PIK3CB: variants seen among roughly 807,000 people sequenced by gnomAD.
The protein encoded by PIK3CB is phosphatidylinositol-4,5-bisphosphate 3-kinase catalytic subunit beta.
In PIK3CB, 39 loss-of-function variants were observed where a neutral mutation model predicts 136.8. The ratio of observed to expected loss-of-function variants is 0.29; its 90% CI spans 0.22 to 0.37. The LOEUF is 0.37. Ranked by LOEUF, PIK3CB falls within the 10% of genes least tolerant of loss-of-function variation. PIK3CB has a pLI of 1.00. For synonymous variants in PIK3CB, 428 were observed against 436.6 expected (o/e 0.98, Z 0.25); for missense variants, 868 against 1,275.4 (o/e 0.68, Z 4.87).
rs549800526 is a variant in PIK3CB at position 138,657,895 on chromosome 3, C to G, written c.2797-60G>C. Reference sequence around the variant, plus strand: ...TTCTGGTGGGTTCCAAATATAAAGGCAAAACCTCCATAGTCCTAGACCCCC... The same window carrying G: ...TTCTGGTGGGTTCCAAATATAAAGGGAAAACCTCCATAGTCCTAGACCCCC... On this transcript the variant is annotated intron_variant, in intron 21 of 23. Coordinates refer to ENST00000674063, the MANE Select transcript of PIK3CB (RefSeq NM_006219.3). 7 of 1,520,414 alleles carry G rather than the reference C, an allele frequency of 4.6e-6. No homozygotes were observed. The East Asian group carries it at 1.1e-4, about 24-fold the overall frequency. The allele number at this position is 1,520,414 out of a possible 1,614,324, so 94.2% of individuals were successfully genotyped here. A position where few individuals can be genotyped will look rare whatever the true frequency, so the allele number is the denominator to read the frequency against.
At chr3:138,717,496 A>T (rs1178691808) in intron 8 of PIK3CB, among the ~76,000 whole-genome samples, 1 of 151,790 alleles carries the variant, frequency 6.6e-6, no homozygotes, top group Non-Finnish European at 1.5e-5. Context: ...AAAACTCATT[A>T]AATGAAACCA....
At chr3:138,689,114 T>C (rs2043955437) in intron 15 of PIK3CB, 140 bp from the exon 16 acceptor site, 1 of 603,416 alleles carries the variant, frequency 1.7e-6, no homozygotes, top group South Asian at 2.2e-5. Context: ...CTTCCTCCCT[T>C]CCTTCCTTTT....
At chr3:138,831,964 T>G (rs1250137030) in intron 1 of PIK3CB, among the ~76,000 whole-genome samples, 1 of 151,962 alleles carries the variant, frequency 6.6e-6, no homozygotes. Flanking sequence ...CTGGGTAACA[T>G]CCCCATAGCC....
chr3:138,791,816 G>A (rs2046054173), intron 2 of PIK3CB, among the ~76,000 whole-genome samples: 1 of 152,146 alleles, frequency 6.6e-6, no homozygotes, highest in African/African-American at 2.4e-5. Flanking sequence ...TAATCAGAGA[G>A]GTCTTCCCTA....
At chr3:138,755,447 GC>G (rs2045547678) in intron 4 of PIK3CB, among the ~76,000 whole-genome samples, 1 of 152,122 alleles carries the variant, frequency 6.6e-6, no homozygotes, top group Admixed American at 6.6e-5. Flanking sequence ...TTTGAGACCA[GC>G]CTGGACAACA....
At chr3:138,800,906 G>A (rs778358153) in intron 1 of PIK3CB, among the ~76,000 whole-genome samples, 8 of 152,270 alleles carry the variant, frequency 5.3e-5, no homozygotes, top group East Asian at 1.9e-4. Context: ...GATTATAGGC[G>A]TGAGCCACCG....
intron 7 of PIK3CB, among the ~76,000 whole-genome samples, chr3:138,734,119 A>G (rs1273693933): frequency 6.6e-6 from 1 of 152,198 alleles, no homozygotes; most frequent in Non-Finnish European, 1.5e-5. Context: ...AAAAAGTATT[A>G]ACTGTTCAAA....
intron 6 of PIK3CB, among the ~76,000 whole-genome samples, chr3:138,735,634 T>A: frequency 6.6e-6 from 1 of 152,142 alleles, no homozygotes; most frequent in East Asian, 1.9e-4. Context: ...CCCAGTTTGA[T>A]GTTCTATTTT....
At chr3:138,685,396 C>CAAAAAAAAAAAAAAAAAAAAAAAAAAAA (rs398052626) in intron 16 of PIK3CB, among the ~76,000 whole-genome samples, 1 of 58,354 alleles carries the variant, frequency 1.7e-5, no homozygotes, top group African/African-American at 9.9e-5. Flanking sequence ...GAAACTGTCT[C>CAAAAAAAAAAAAAAAAAAAAAAAAAAAA]AAAAAAAAAA....
At chr3:138,742,283 T>C (rs2045261403) in intron 5 of PIK3CB, among the ~76,000 whole-genome samples, 1 of 152,206 alleles carries the variant, frequency 6.6e-6, no homozygotes, top group African/African-American at 2.4e-5. Context: ...TTTTCTCTTT[T>C]TAACATCCCT....
chr3:138,826,244 T>C (rs747995882), intron 1 of PIK3CB: 55 of 1,546,030 alleles, frequency 3.6e-5, no homozygotes, highest in Non-Finnish European at 4.4e-5. Flanking sequence ...AGAGTTGCCG[T>C]GGGTGTCATC....
At chr3:138,788,530 G>A (rs1458102211) in intron 2 of PIK3CB, among the ~76,000 whole-genome samples, 3 of 150,550 alleles carry the variant, frequency 2.0e-5, no homozygotes, top group South Asian at 2.1e-4. Flanking sequence ...GGTGGCATGC[G>A]CCTGTAATCC....
At chr3:138,728,957 T>C (rs2044906105) in intron 8 of PIK3CB, among the ~76,000 whole-genome samples, 1 of 152,180 alleles carries the variant, frequency 6.6e-6, no homozygotes, top group African/African-American at 2.4e-5. Flanking sequence ...AAAGACTTAA[T>C]GAATGCTGTC....
chr3:138,744,993 C>A (rs1390106275), intron 4 of PIK3CB, among the ~76,000 whole-genome samples: 1 of 152,218 alleles, frequency 6.6e-6, no homozygotes, highest in African/African-American at 2.4e-5. Flanking sequence ...TTGATTGGTT[C>A]TGTTGTCAAT....
intron 8 of PIK3CB, among the ~76,000 whole-genome samples, chr3:138,718,294 T>C (rs994617232): frequency 3.3e-5 from 5 of 152,250 alleles, no homozygotes; most frequent in Non-Finnish European, 7.3e-5. Context: ...ATTAAGCTTT[T>C]TTGCATATGC....
At chr3:138,734,864 T>C (rs1456417100) in intron 6 of PIK3CB, 60 bp from the exon 7 acceptor site, 2 of 1,196,016 alleles carry the variant, frequency 1.7e-6, no homozygotes, top group Non-Finnish European at 2.3e-6. Context: ...ATCAATAGAA[T>C]AAAATGAAGC....
At chr3:138,733,300 T>C in intron 8 of PIK3CB, 61 bp downstream of exon 8, 4 of 711,510 alleles carry the variant, frequency 5.6e-6, no homozygotes, top group Non-Finnish European at 1.0e-5. Context: ...TTATTGAGCA[T>C]ATCAGTGAGT....
intron 4 of PIK3CB, among the ~76,000 whole-genome samples, chr3:138,744,745 C>G (rs1350578827): frequency 6.6e-6 from 1 of 152,170 alleles, no homozygotes; most frequent in Non-Finnish European, 1.5e-5. Flanking sequence ...CTTGAATAAT[C>G]AGAAGCCTTC....
Position 138,769,998 on chromosome 3 carries a change from CCT to C in PIK3CB, c.-16-10641_-16-10640del, listed in dbSNP as rs371987136. ...CCCAAAGCAATTAGCATAATTTTCCCCTTTTTCTTTTTTCTTTTTGTATTTAA... is the reference window on the plus strand; with the variant it reads ...CCCAAAGCAATTAGCATAATTTTCCCTTTTCTTTTTTCTTTTTGTATTTAA... On this transcript the variant is annotated intron_variant, in intron 2 of 23. Coordinates refer to ENST00000674063, the MANE Select transcript of PIK3CB (RefSeq NM_006219.3). The C allele has an allele frequency of 1.3e-4, 20 of 152,286 alleles. No homozygotes were observed. The East Asian group carries it at 3.3e-3, about 25-fold the overall frequency. 9.4% of individuals were successfully genotyped at this position (152,286 alleles called of 1,614,324 possible).
Sources: allele counts gnomAD v4.1 joint callset (sites outside exome capture counted in the v4.1 genomes callset), GRCh38; gene constraint gnomAD v4.1.1; transcripts MANE v1.5; gene names NCBI Gene and HGNC (gene_info 2026-07-23, HGNC 2026-07-21).